DSCAM: variants seen among roughly 807,000 people sequenced by gnomAD.
The protein encoded by DSCAM is cell adhesion molecule DSCAM.
A neutral mutation model predicts 217.7 loss-of-function variants in DSCAM; 47 were observed. That is an observed-to-expected ratio of 0.22 (90% CI 0.17 to 0.28). DSCAM has a LOEUF of 0.28. Among genes scored for constraint, DSCAM ranks in the 10% least tolerant of loss-of-function variants. The pLI, the probability that DSCAM is intolerant of heterozygous loss-of-function variation, is 1.00. For synonymous variants in DSCAM, 1,056 were observed against 1,015.3 expected (o/e 1.04, Z -0.76); for missense variants, 2,080 against 2,618.3 (o/e 0.79, Z 4.49).
chr21:40,803,918 T>C (rs985514343), intron 1 of DSCAM, among the ~76,000 whole-genome samples: 34 of 152,124 alleles, frequency 2.2e-4, no homozygotes, highest in Admixed American at 1.8e-3. Flanking sequence ...GCATCCCCTC[T>C]CCTGCTCTAC....
intron 3 of DSCAM, among the ~76,000 whole-genome samples, chr21:40,593,307 T>C (rs1243485011): frequency 6.8e-6 from 1 of 146,472 alleles, no homozygotes; most frequent in Non-Finnish European, 1.5e-5. Flanking sequence ...CTTCACCTTT[T>C]CATGATGTTT....
intron 1 of DSCAM, among the ~76,000 whole-genome samples, chr21:40,726,907 A>G (rs951028767): frequency 6.6e-6 from 1 of 152,248 alleles, no homozygotes; most frequent in South Asian, 2.1e-4. Flanking sequence ...TGGTGACTTT[A>G]TAAGAAGAGG....
At chr21:40,559,784 G>GGCT (rs1568904855) in intron 3 of DSCAM, among the ~76,000 whole-genome samples, 1 of 105,572 alleles carries the variant, frequency 9.5e-6, no homozygotes, top group African/African-American at 3.3e-5. Context: ...AAAATTTTCT[G>GGCT]TCTTTTTTTT....
intron 3 of DSCAM, among the ~76,000 whole-genome samples, chr21:40,610,409 A>G (rs1279322421): frequency 1.3e-5 from 2 of 152,238 alleles, no homozygotes; most frequent in Admixed American, 6.5e-5. Context: ...AGATGTCTGT[A>G]AAGAGCCCAG....
At position 40,722,577 on chromosome 21, in the gene DSCAM, C is replaced by T. The variant is rs148745797; in HGVS notation, c.44-13806G>A. On this transcript the variant is annotated intron_variant, in intron 1 of 32. Coordinates refer to ENST00000400454, the MANE Select transcript of DSCAM (RefSeq NM_001389.5). Reference sequence around the variant, plus strand: ...GGTAAAATTGACAATTTAAAAAATACTCCATTAATCCAAAAGAAGGCAAGA... The same window carrying T: ...GGTAAAATTGACAATTTAAAAAATATTCCATTAATCCAAAAGAAGGCAAGA... Among the ~76,000 whole-genome samples, 143 of 152,028 alleles carry T rather than the reference C, an allele frequency of 9.4e-4. No homozygotes were observed. In the Middle Eastern group the frequency reaches 0.014, roughly 15 times the overall value.
Position 40,011,823 on chromosome 21 carries a change from T to C in DSCAM, c.*1211A>G, listed in dbSNP as rs1489134307. On this transcript the variant is annotated 3_prime_UTR_variant, in exon 33 of 33. Transcript: ENST00000400454. ...CTATCACAAATTTGCATACCAGGCATAGTGGAGATAGGAAAAGTCATGGAG... is the reference window on the plus strand; with the variant it reads ...CTATCACAAATTTGCATACCAGGCACAGTGGAGATAGGAAAAGTCATGGAG... The C allele has an allele frequency of 6.6e-6, 1 of 152,148 alleles. No homozygotes were observed. The highest frequency in any genetic ancestry group is 1.9e-4 in the East Asian group (1 of 5,184). The allele number at this position is 152,148 out of a possible 1,614,324, so 9.4% of individuals were successfully genotyped here. A position where few individuals can be genotyped will look rare whatever the true frequency, so the allele number is the denominator to read the frequency against.
At chr21:40,496,832 A>G in intron 3 of DSCAM, among the ~76,000 whole-genome samples, 1 of 152,016 alleles carries the variant, frequency 6.6e-6, no homozygotes, top group East Asian at 1.9e-4. Flanking sequence ...TGGCCAAAGA[A>G]CCTGAATAGA....
intron 3 of DSCAM, among the ~76,000 whole-genome samples, chr21:40,675,031 ATG>A (rs1463048501): frequency 6.8e-4 from 44 of 64,860 alleles, no homozygotes; most frequent in African/African-American, 1.5e-3. Context: ...ACACACACAC[ATG>A]CACGCGCACA....
chr21:40,274,104 T>C (rs529940628), intron 11 of DSCAM, among the ~76,000 whole-genome samples: 2 of 152,254 alleles, frequency 1.3e-5, no homozygotes, highest in South Asian at 4.2e-4. Context: ...ATTGGACATA[T>C]ATCCACTCAA....
intron 3 of DSCAM, among the ~76,000 whole-genome samples, chr21:40,392,695 A>G (rs2075144809): frequency 6.6e-6 from 1 of 152,146 alleles, no homozygotes; most frequent in Admixed American, 6.5e-5. Flanking sequence ...ACTCCCAAAC[A>G]CGAGCATTTC....
intron 3 of DSCAM, among the ~76,000 whole-genome samples, chr21:40,544,277 G>C (rs80241112): frequency 0.014 from 2,188 of 152,318 alleles, 65 homozygotes; most frequent in African/African-American, 0.049. Context: ...ACTTGGAAGA[G>C]TCTGTCACAT....
chr21:40,516,752 C>T (rs2076302781), intron 3 of DSCAM, among the ~76,000 whole-genome samples: 2 of 152,010 alleles, frequency 1.3e-5, no homozygotes, highest in Admixed American at 1.3e-4. Context: ...AAGGACTCTG[C>T]AGTGCCCCAG....
At chr21:40,152,061 G>A (rs1418239535) in intron 16 of DSCAM, among the ~76,000 whole-genome samples, 1 of 151,782 alleles carries the variant, frequency 6.6e-6, no homozygotes, top group African/African-American at 2.4e-5. Flanking sequence ...AATCTCACCT[G>A]GTAACCAGTC....
chr21:40,835,075 G>A (rs2092046144), intron 1 of DSCAM, among the ~76,000 whole-genome samples: 1 of 152,168 alleles, frequency 6.6e-6, no homozygotes, highest in South Asian at 2.1e-4. Flanking sequence ...CTGCAGGAAA[G>A]AAATATTTTC....
intron 3 of DSCAM, among the ~76,000 whole-genome samples, chr21:40,485,705 C>G (rs954084327): frequency 2.6e-5 from 4 of 152,040 alleles, no homozygotes; most frequent in Non-Finnish European, 5.9e-5. Flanking sequence ...ATGTTACTTA[C>G]ATGCATATGT....
At chr21:40,485,418 A>AT (rs556438864) in intron 3 of DSCAM, among the ~76,000 whole-genome samples, 3 of 150,808 alleles carry the variant, frequency 2.0e-5, no homozygotes, top group Non-Finnish European at 4.4e-5. Flanking sequence ...AATTTTTTGT[A>AT]TTTTTAGTAG....
chr21:40,415,074 A>C (rs1485003365), intron 3 of DSCAM, among the ~76,000 whole-genome samples: 1 of 152,254 alleles, frequency 6.6e-6, no homozygotes, highest in Non-Finnish European at 1.5e-5. Flanking sequence ...AGCCTGAGAA[A>C]AAAAGACCTG....
chr21:40,396,444 G>T (rs1349288792), intron 3 of DSCAM, among the ~76,000 whole-genome samples: 1 of 152,106 alleles, frequency 6.6e-6, no homozygotes, highest in Non-Finnish European at 1.5e-5. Context: ...CTGTTGGTTT[G>T]TTGTGGAAGT....
chr21:40,840,195 G>A (rs1340343329), intron 1 of DSCAM, among the ~76,000 whole-genome samples: 4 of 152,114 alleles, frequency 2.6e-5, no homozygotes, highest in African/African-American at 7.2e-5. Flanking sequence ...GATAGCAACT[G>A]TCATATTTGA....
Sources: gnomAD v4.1 joint callset for allele counts (sites outside exome capture counted in the v4.1 genomes callset) on GRCh38, gnomAD v4.1.1 for gene constraint, MANE v1.5 for transcripts, NCBI Gene and HGNC (gene_info 2026-07-23, HGNC 2026-07-21) for gene names.